Variants in TUSC3 observed in about 807,000 individuals in gnomAD.
TUSC3 encodes the protein tumor suppressor candidate 3.
In TUSC3, 45 loss-of-function variants were observed where a neutral mutation model predicts 44.8. The observed-to-expected ratio is 1.00, with a 90% CI of 0.79 to 1.29. The LOEUF (loss-of-function observed/expected upper bound fraction) is 1.29, where lower values mean the gene tolerates loss of function less well. Ranked by LOEUF, TUSC3 falls within the 50% of genes most tolerant of loss-of-function variation. The pLI, the probability that TUSC3 is intolerant of heterozygous loss-of-function variation, is 0.00. For missense variants in TUSC3, 519 were observed against 437.9 expected, an observed-to-expected ratio of 1.19 and a Z score of -1.65; for synonymous variants, 212 against 152.9, an observed-to-expected ratio of 1.39 and a Z score of -2.85.
chr8:15,802,953 A>T, the TUSC3 span, among the ~76,000 whole-genome samples: 2 of 152,334 alleles, frequency 1.3e-5, no homozygotes, highest in Middle Eastern at 3.4e-3. Flanking sequence ...ACCTGCAATA[A>T]CTGCGGCATA....
At chr8:15,481,035 G>A (rs1050624626) in intron 1 of TUSC3, among the ~76,000 whole-genome samples, 4 of 152,060 alleles carry the variant, frequency 2.6e-5, no homozygotes, top group African/African-American at 9.7e-5. Context: ...ATCATTTGAG[G>A]TCAGGAGTTC....
rs1279763853 is a variant in TUSC3, at chr8:15,764,812, T to A, written c.*656T>A. 1 of 152,268 alleles carries A rather than the reference T, an allele frequency of 6.6e-6. No individual in the cohort carries two copies. Among genetic ancestry groups the A allele is most frequent in the Admixed American group, 6.5e-5 (1 of 15,272 alleles). The allele number at this position is 152,268 out of a possible 1,614,324, so 9.4% of individuals were successfully genotyped here. A position where few individuals can be genotyped will look rare whatever the true frequency, so the allele number is the denominator to read the frequency against. On this transcript the variant is annotated 3_prime_UTR_variant, in exon 11 of 11. Coordinates refer to ENST00000503731, the MANE Select transcript of TUSC3 (RefSeq NM_006765.4). ...CTAAAGTAAATGTGCATTAAAGCAG[T>A]GTGCTTCAAAGGCATCAGACGATGA...
At chr8:15,810,792 C>T in the TUSC3 span, among the ~76,000 whole-genome samples, 1 of 152,186 alleles carries the variant, frequency 6.6e-6, no homozygotes, top group Non-Finnish European at 1.5e-5. Flanking sequence ...TGTAGAGAAT[C>T]TCCGTTAAGG....
At chr8:15,777,491 A>G in the TUSC3 span, among the ~76,000 whole-genome samples, 6 of 152,182 alleles carry the variant, frequency 3.9e-5, no homozygotes, top group Admixed American at 2.6e-4. Context: ...ATGAACATAT[A>G]ATTCAAATTT....
intron 1 of TUSC3, among the ~76,000 whole-genome samples, chr8:15,563,231 G>C (rs1449810875): frequency 6.6e-6 from 1 of 152,098 alleles, no homozygotes; most frequent in African/African-American, 2.4e-5. Context: ...ATAACTTCAT[G>C]TGTGTCAGTC....
intron 6 of TUSC3, among the ~76,000 whole-genome samples, chr8:15,712,413 C>G (rs1328897804): frequency 6.6e-6 from 1 of 152,018 alleles, no homozygotes; most frequent in African/African-American, 2.4e-5. Context: ...GTAACAGTTC[C>G]AAAACCAAGA....
intron 1 of TUSC3, among the ~76,000 whole-genome samples, chr8:15,545,359 G>A (rs1801826271): frequency 6.6e-6 from 1 of 151,556 alleles, no homozygotes; most frequent in Non-Finnish European, 1.5e-5. Flanking sequence ...GAGGAACCTT[G>A]CATTTAAGAA....
chr8:15,638,186 C>G (rs1037865485), intron 2 of TUSC3, among the ~76,000 whole-genome samples: 1 of 151,846 alleles, frequency 6.6e-6, no homozygotes, highest in Non-Finnish European at 1.5e-5. Flanking sequence ...TATTTCGCCT[C>G]TGCTAGGATC....
the TUSC3 span, among the ~76,000 whole-genome samples, chr8:15,804,802 A>T: frequency 2.0e-5 from 3 of 152,040 alleles, no homozygotes; most frequent in Non-Finnish European, 4.4e-5. Flanking sequence ...TGTTTTGGCT[A>T]TGTTGATTCT....
chr8:15,692,074 C>G (rs1226323877), intron 6 of TUSC3, among the ~76,000 whole-genome samples: 1 of 152,146 alleles, frequency 6.6e-6, no homozygotes, highest in Non-Finnish European at 1.5e-5. Flanking sequence ...AGCCACCACG[C>G]CTGGCACATG....
intron 2 of TUSC3, among the ~76,000 whole-genome samples, chr8:15,535,022 A>G (rs1203595906): frequency 6.6e-6 from 1 of 152,246 alleles, no homozygotes; most frequent in African/African-American, 2.4e-5. Flanking sequence ...ACAAGGACTC[A>G]AATATAGGAG....
At chr8:15,505,187 G>C (rs1251519034) in intron 2 of TUSC3, among the ~76,000 whole-genome samples, 2 of 152,142 alleles carry the variant, frequency 1.3e-5, no homozygotes, top group African/African-American at 4.8e-5. Context: ...TTTCACAGAT[G>C]ACTCAGGTTA....
At chr8:15,609,420 A>C (rs1585149472) in intron 1 of TUSC3, among the ~76,000 whole-genome samples, 1 of 152,158 alleles carries the variant, frequency 6.6e-6, no homozygotes, top group Non-Finnish European at 1.5e-5. Flanking sequence ...GTACAGCTGG[A>C]AGTAGATTTT....
intron 2 of TUSC3, among the ~76,000 whole-genome samples, chr8:15,490,368 G>C (rs1433300375): frequency 6.6e-6 from 1 of 152,136 alleles, no homozygotes; most frequent in African/African-American, 2.4e-5. Flanking sequence ...AGTTGCTCAA[G>C]ACGGAGGAGG....
At position 15,569,728 on chromosome 8, in the gene TUSC3, T is replaced by G. The variant is rs9657256; in HGVS notation, c.138+29160T>G. Among the ~76,000 whole-genome samples, 1,403 of 152,264 alleles carry G rather than the reference T, an allele frequency of 9.2e-3. 28 individuals are homozygous for G. The highest frequency in any genetic ancestry group is 0.032 in the African/African-American group (1,325 of 41,536). The stretch of plus-strand genomic sequence containing the variant: ...GGTTTGAAAATGGATACATAGTGTT[T>G]GATGCATTTTTGTTGATTAGCATAA... On this transcript the variant is annotated intron_variant, in intron 1 of 10. Transcript: ENST00000503731.
intron 5 of TUSC3, among the ~76,000 whole-genome samples, chr8:15,666,787 G>C (rs1445759828): frequency 1.3e-5 from 2 of 151,300 alleles, no homozygotes; most frequent in East Asian, 3.9e-4. Context: ...CTGCTCATCA[G>C]GCAACTATGT....
chr8:15,519,516 C>T (rs1801265932), intron 2 of TUSC3, among the ~76,000 whole-genome samples: 1 of 152,040 alleles, frequency 6.6e-6, no homozygotes, highest in Admixed American at 6.6e-5. Flanking sequence ...AGTGACAAGC[C>T]AGCATTATGA....
intron 6 of TUSC3, 145 bp downstream of exon 6, chr8:15,673,981 T>G (rs1014239621): frequency 4.5e-6 from 3 of 670,958 alleles, no homozygotes; most frequent in African/African-American, 3.6e-5. Flanking sequence ...CTGTGTCACC[T>G]ATATACACAT....
At chr8:15,467,071 G>A (rs969770368) in intron 1 of TUSC3, among the ~76,000 whole-genome samples, 2 of 151,912 alleles carry the variant, frequency 1.3e-5, no homozygotes, top group African/African-American at 2.4e-5. Flanking sequence ...TACAGTCTTC[G>A]CTTACAGTTT....
Sources: allele counts gnomAD v4.1 joint callset (sites outside exome capture counted in the v4.1 genomes callset), GRCh38; gene constraint gnomAD v4.1.1; transcripts MANE v1.5; gene names NCBI Gene and HGNC (gene_info 2026-07-23, HGNC 2026-07-21).